The following DDX17 variants were observed in gnomAD, a reference collection of about 807,000 sequenced individuals.
DDX17 encodes DEAD-box helicase 17.
A neutral mutation model predicts 80.8 loss-of-function variants in DDX17; 10 were observed. The observed-to-expected ratio is 0.12, with a 90% CI of 0.08 to 0.21. The LOEUF (loss-of-function observed/expected upper bound fraction) is 0.21, where lower values mean the gene tolerates loss of function less well. Among genes scored for constraint, DDX17 ranks in the 10% least tolerant of loss-of-function variants. The probability of loss-of-function intolerance (pLI) is 1.00; values close to 1 mark genes in which losing one functional copy is unlikely to be tolerated. For missense variants in DDX17, 586 were observed against 957.4 expected, an observed-to-expected ratio of 0.61 and a Z score of 5.12; for synonymous variants, 339 against 336.2, an observed-to-expected ratio of 1.01 and a Z score of -0.09.
At position 38,497,619 on chromosome 22, in the gene DDX17, CAA is replaced by C. The variant is rs138449; in HGVS notation, c.738+464_738+465del. ...GGCAACAAGAGTGAGAATATATCTCCAAAAAAAAAAAAAAAAAAGAAAGAAGG... is the reference window on the plus strand; with the variant it reads ...GGCAACAAGAGTGAGAATATATCTCCAAAAAAAAAAAAAAAAGAAAGAAGG... On this transcript the variant is annotated intron_variant, in intron 5 of 12. Transcript: ENST00000403230. Among the ~76,000 whole-genome samples, 408 of 74,882 alleles carry C rather than the reference CAA, an allele frequency of 5.4e-3. 5 individuals are homozygous for C. The highest frequency in any genetic ancestry group is 0.023 in the African/African-American group (400 of 17,734). The allele number at this position is 74,882 out of a possible 152,430, so 49.1% of individuals were successfully genotyped here.
At chr22:38,493,892 T>C in intron 9 of DDX17, 121 bp from the exon 10 acceptor site, 1 of 1,221,564 alleles carries the variant, frequency 8.2e-7, no homozygotes. Context: ...AATAGATGAC[T>C]GTGCTCATTA....
intron 10 of DDX17, 127 bp from the exon 11 acceptor site, chr22:38,492,242 A>C (rs1223721041): frequency 1.5e-6 from 1 of 672,978 alleles, no homozygotes; most frequent in Non-Finnish European, 2.4e-6. Flanking sequence ...ACTGACAGTG[A>C]TTCTTTTGAA....
chr22:38,490,311 C>T (rs2089700654), intron 11 of DDX17: 1 of 1,286,512 alleles, frequency 7.8e-7, no homozygotes, highest in African/African-American at 1.5e-5. Context: ...TATGACATGG[C>T]CTGAATCGCC....
chr22:38,490,126 C>T (rs1226863476), intron 11 of DDX17: 1 of 1,153,472 alleles, frequency 8.7e-7, no homozygotes, highest in East Asian at 6.4e-5. Flanking sequence ...GATGGGGGCA[C>T]ACAGGAGCAA....
At chr22:38,501,057 G>A (rs1386433294) in intron 2 of DDX17, 73 bp downstream of exon 2, 19 of 1,510,420 alleles carry the variant, frequency 1.3e-5, no homozygotes, top group East Asian at 9.9e-5. Flanking sequence ...CAACAGTAGC[G>A]TATGAATAAA....
chr22:38,501,309 C>T (rs768273865), intron 1 of DDX17, 29 bp from the exon 2 acceptor site: 6 of 1,594,706 alleles, frequency 3.8e-6, no homozygotes, highest in Admixed American at 1.8e-5. Flanking sequence ...GTTAGTTCAT[C>T]AGTATTTTTA....
chr22:38,486,031 T>C lies in DDX17; in HGVS notation c.2094A>G (p.Ala698=). The change falls in exon 13 of 13, where the codon GCA becomes GCG. Residue 698 remains alanine (A), a synonymous_variant. Coordinates refer to ENST00000403230, the MANE Select transcript of DDX17 (RefSeq NM_006386.5). ...TCATATTGGTAGCTCCCGGAGGCTGTGCAAACTGTTGTGACATCAGTGGCT... is the reference window on the plus strand; with the variant it reads ...TCATATTGGTAGCTCCCGGAGGCTGCGCAAACTGTTGTGACATCAGTGGCT... The C allele has an allele frequency of 6.2e-7, 1 of 1,614,050 alleles. No homozygotes were observed. The highest frequency in any genetic ancestry group is 1.1e-5 in the South Asian group (1 of 91,080).
At chr22:38,504,274 GTTC>G (rs2089858504) in intron 1 of DDX17, among the ~76,000 whole-genome samples, 2 of 152,118 alleles carry the variant, frequency 1.3e-5, no homozygotes, top group Admixed American at 6.5e-5. Flanking sequence ...ATTAATCCAA[GTTC>G]TTTTCTCTTT....
chr22:38,496,149 A>G (rs2089764214), intron 5 of DDX17, among the ~76,000 whole-genome samples: 1 of 152,172 alleles, frequency 6.6e-6, no homozygotes, highest in Non-Finnish European at 1.5e-5. Flanking sequence ...ATTTGGAATG[A>G]TACTGGTATC....
Position 38,484,156 on chromosome 22 carries a change from G to A in DDX17, c.*1779C>T, listed in dbSNP as rs1007888114. On this transcript the variant is annotated 3_prime_UTR_variant, in exon 13 of 13. Coordinates refer to ENST00000403230, the MANE Select transcript of DDX17 (RefSeq NM_006386.5). Reference sequence around the variant, plus strand: ...CAGTGCTTAGACAAATTTGGGGTTGGGGGGAACACTTTGGTTTGAAAGCAC... The same window carrying A: ...CAGTGCTTAGACAAATTTGGGGTTGAGGGGAACACTTTGGTTTGAAAGCAC... The A allele has an allele frequency of 8.5e-5, 13 of 152,396 alleles. No homozygotes were observed. The highest frequency in any genetic ancestry group is 2.9e-4 in the African/African-American group (12 of 41,350). 9.4% of individuals were successfully genotyped at this position (152,396 alleles called of 1,614,324 possible).
intron 1 of DDX17, chr22:38,505,177 G>A (rs1467392417): frequency 6.6e-6 from 1 of 152,256 alleles, no homozygotes; most frequent in African/African-American, 2.4e-5. Flanking sequence ...CCAAATCGCT[G>A]GGATTACAGG....
At chr22:38,493,983 A>C (rs371143654) in intron 9 of DDX17, 38 bp downstream of exon 9, 51 of 1,517,528 alleles carry the variant, frequency 3.4e-5, no homozygotes, top group Middle Eastern at 1.7e-4. Flanking sequence ...CCAGTTAACT[A>C]TAAAACCAGA....
rs374492229 is a variant in DDX17, at chr22:38,488,202, C to G, written c.1448-87G>C. The G allele has an allele frequency of 1.9e-6, 3 of 1,604,832 alleles. No homozygotes were observed. In the African/African-American group the frequency reaches 4.0e-5, roughly 21 times the overall value. Reference sequence around the variant, plus strand: ...ACATGCCAACAACAGGTGGGAAGCACGAATGCAGATGACAGCAAGAGGAAA... The same window carrying G: ...ACATGCCAACAACAGGTGGGAAGCAGGAATGCAGATGACAGCAAGAGGAAA... On this transcript the variant is annotated intron_variant, in intron 11 of 12. Transcript: ENST00000403230.
intron 10 of DDX17, among the ~76,000 whole-genome samples, chr22:38,492,781 C>A (rs115777660): frequency 6.6e-6 from 1 of 152,100 alleles, no homozygotes; most frequent in Non-Finnish European, 1.5e-5. Context: ...CCACTGTGTC[C>A]GGCCACATTT....
chr22:38,500,979 A>AAC, intron 2 of DDX17, 151 bp downstream of exon 2: 1 of 1,104,736 alleles, frequency 9.1e-7, no homozygotes, highest in African/African-American at 1.7e-5. Context: ...AAAAGGAAAA[A>AAC]AAAAAAAAAA....
intron 3 of DDX17, 133 bp downstream of exon 3, chr22:38,499,267 C>T (rs1440882578): frequency 1.5e-6 from 1 of 686,198 alleles, no homozygotes; most frequent in East Asian, 2.6e-5. Flanking sequence ...TAGAACAGAA[C>T]TGATGACCAT....
At chr22:38,491,762 C>T in intron 11 of DDX17, 1 of 297,848 alleles carries the variant, frequency 3.4e-6, no homozygotes, top group Non-Finnish European at 6.2e-6. Context: ...AGCTGTCTGT[C>T]TCCTCTCCCT....
rs199841215 is a variant in DDX17 at position 38,485,831 on chromosome 22, G to C, written c.*104C>G. ...GGGGGAAAAATTAAAAAAAAAAAAA[G>C]AAAAAAGGAAAAAAAAAGAAAAGGC... On this transcript the variant is annotated 3_prime_UTR_variant, in exon 13 of 13. Coordinates refer to ENST00000403230, the MANE Select transcript of DDX17 (RefSeq NM_006386.5). 4.2e-6 allele frequency: 5 copies of C among 1,200,498 alleles called. No individual in the cohort carries two copies. In the East Asian group the frequency reaches 1.4e-4, roughly 34 times the overall value. The allele number at this position is 1,200,498 out of a possible 1,614,324, so 74.4% of individuals were successfully genotyped here.
At position 38,489,080 on chromosome 22, in the gene DDX17, C is replaced by T; in HGVS notation, c.1448-965G>A. 1 of 983,128 alleles carries T rather than the reference C, an allele frequency of 1.0e-6. No individual in the cohort carries two copies. Among genetic ancestry groups the T allele is most frequent in the Non-Finnish European group, 1.2e-6 (1 of 827,998 alleles). 60.9% of individuals were successfully genotyped at this position (983,128 alleles called of 1,614,324 possible). On this transcript the variant is annotated intron_variant, in intron 11 of 12. Coordinates refer to ENST00000403230, the MANE Select transcript of DDX17 (RefSeq NM_006386.5). The surrounding 1 kb of genome is among the most constrained non-coding windows in gnomAD (Gnocchi z 4.6). ...GAATGTATATTTTTACCTACTTAAA[C>T]AAACAATTTTAAGAATATAACAAAG...
Sources: gnomAD v4.1 joint callset for allele counts (sites outside exome capture counted in the v4.1 genomes callset) on GRCh38, gnomAD v4.1.1 for gene constraint, Gnocchi (gnomAD v3.1) non-coding constraint, MANE v1.5 for transcripts, NCBI Gene and HGNC (gene_info 2026-07-23, HGNC 2026-07-21) for gene names.